Variants in PRPF6 observed in about 807,000 individuals in gnomAD.
PRPF6 encodes pre-mRNA processing factor 6.
PRPF6 carries 42 observed loss-of-function variants against 118.3 expected under a neutral mutation model. That is an observed-to-expected ratio of 0.35 (90% CI 0.28 to 0.46). PRPF6 has a LOEUF of 0.46. PRPF6 is among the 20% of genes least tolerant of loss of function. PRPF6 has a pLI of 1.00. For synonymous variants in PRPF6, 481 were observed against 485.1 expected (o/e 0.99, Z 0.11); for missense variants, 662 against 1,255.7 (o/e 0.53, Z 7.15).
intron 12 of PRPF6, among the ~76,000 whole-genome samples, chr20:64,020,669 C>T (rs1375920572): frequency 6.6e-6 from 1 of 152,100 alleles, no homozygotes; most frequent in Admixed American, 6.6e-5. Flanking sequence ...GAAAATAGAA[C>T]TGTGTTTACT....
chr20:64,028,983 C>T lies in PRPF6; in HGVS notation c.2432-394C>T. Among the ~76,000 whole-genome samples, 1 of 152,138 alleles carries T rather than the reference C, an allele frequency of 6.6e-6. No individual in the cohort carries two copies. Among genetic ancestry groups the T allele is most frequent in the East Asian group, 1.9e-4 (1 of 5,194 alleles). On this transcript the variant is annotated intron_variant, in intron 18 of 20. Coordinates refer to ENST00000266079, the MANE Select transcript of PRPF6 (RefSeq NM_012469.4). The surrounding 1 kb of genome is among the most constrained non-coding windows in gnomAD (Gnocchi z 6.5). Reference sequence around the variant, plus strand: ...CATTGCTTGAGACCAGCCTGGCCAACATGGTGAAACCCCGTCTCTACTAAA... The same window carrying T: ...CATTGCTTGAGACCAGCCTGGCCAATATGGTGAAACCCCGTCTCTACTAAA...
At chr20:63,992,307 G>T (rs2122996982) in intron 3 of PRPF6, among the ~76,000 whole-genome samples, 1 of 152,078 alleles carries the variant, frequency 6.6e-6, no homozygotes, top group South Asian at 2.1e-4. Context: ...TGTCACCCAG[G>T]CTGGAGTGCA....
At chr20:64,006,912 G>A (rs2059192602) in intron 9 of PRPF6, among the ~76,000 whole-genome samples, 1 of 152,238 alleles carries the variant, frequency 6.6e-6, no homozygotes, top group African/African-American at 2.4e-5. Context: ...CCGTCTTTCA[G>A]TTGGTCAAGT....
intron 9 of PRPF6, 105 bp downstream of exon 9, chr20:64,001,344 A>G: frequency 7.2e-7 from 1 of 1,385,088 alleles, no homozygotes; most frequent in Non-Finnish European, 1.0e-6. Flanking sequence ...ATAAGGAACC[A>G]GGGACATTTT....
chr20:64,031,730 C>CAGCTTCAA (rs1214499026), intron 19 of PRPF6, among the ~76,000 whole-genome samples, 188 bp from the exon 20 acceptor site: 1 of 150,610 alleles, frequency 6.6e-6, no homozygotes, highest in African/African-American at 2.4e-5. Context: ...CCGTGAAGGG[C>CAGCTTCAA]AGCTTCAAGT....
At chr20:63,984,736 C>G (rs973032005) in intron 2 of PRPF6, among the ~76,000 whole-genome samples, 171 bp from the exon 3 acceptor site, 1 of 152,170 alleles carries the variant, frequency 6.6e-6, no homozygotes, top group Admixed American at 6.6e-5. Flanking sequence ...CTTCCATGCC[C>G]TTGACGCTTG....
intron 12 of PRPF6, 83 bp from the exon 13 acceptor site, chr20:64,022,674 C>A: frequency 1.9e-6 from 3 of 1,575,944 alleles, no homozygotes; most frequent in South Asian, 2.2e-5. Context: ...CTTTCAGAAT[C>A]GTATGAGCCT....
At chr20:64,006,663 C>T (rs746850563) in intron 9 of PRPF6, among the ~76,000 whole-genome samples, 4 of 152,086 alleles carry the variant, frequency 2.6e-5, no homozygotes, top group East Asian at 1.9e-4. Context: ...GAGGCGGAGA[C>T]GGGACTCTTG....
At chr20:64,002,467 C>T (rs1449635192) in intron 9 of PRPF6, among the ~76,000 whole-genome samples, 2 of 151,478 alleles carry the variant, frequency 1.3e-5, no homozygotes, top group African/African-American at 2.4e-5. Flanking sequence ...TCCCGAGTAG[C>T]CGGGATTACA....
intron 11 of PRPF6, among the ~76,000 whole-genome samples, chr20:64,015,110 A>G (rs1249883250): frequency 6.6e-6 from 1 of 152,194 alleles, no homozygotes; most frequent in Non-Finnish European, 1.5e-5. Context: ...AGATGTTTTT[A>G]TATATTCTGG....
intron 12 of PRPF6, among the ~76,000 whole-genome samples, chr20:64,020,244 C>T (rs921618418): frequency 2.6e-5 from 4 of 152,172 alleles, no homozygotes; most frequent in South Asian, 4.2e-4. Flanking sequence ...GGTGAAACCT[C>T]GTCTCTACTA....
chr20:63,993,261 TGTA>T, intron 3 of PRPF6, 143 bp from the exon 4 acceptor site: 1 of 331,858 alleles, frequency 3.0e-6, no homozygotes, highest in Non-Finnish European at 5.4e-6. Flanking sequence ...TGTGTGTGTG[TGTA>T]TATGTATATA....
intron 1 of PRPF6, among the ~76,000 whole-genome samples, chr20:63,981,650 CCCCGCCCG>C (rs1221790870): frequency 6.9e-6 from 1 of 145,278 alleles, no homozygotes; most frequent in Non-Finnish European, 1.5e-5. Context: ...CACTCCCCCC[CCCCGCCCG>C]CCCGCCCGCC....
In PRPF6 at chr20:63,984,948, C is replaced by A; in HGVS notation, c.282C>A (p.Tyr94Ter). ...YAGSLFSSGP[Y>*]EKDDEEADAI... is the part of the protein sequence containing the mutation. ...GGAGCCTCTTCTCAAGTGGACCCTA[C>A]GAGAAAGATGATGAGGAAGCAGATG... The change falls in exon 3 of 21, where the codon TAC (tyrosine) becomes TAA (stop). Residue 94 changes from tyrosine to a stop codon, truncating the protein, a stop_gained. Coordinates refer to ENST00000266079, the MANE Select transcript of PRPF6 (RefSeq NM_012469.4). LOFTEE classifies it high-confidence loss of function. The A allele has an allele frequency of 6.2e-7, 1 of 1,613,506 alleles. No homozygotes were observed. Among genetic ancestry groups the A allele is most frequent in the Non-Finnish European group, 8.5e-7 (1 of 1,179,764 alleles).
In PRPF6 at chr20:64,028,453, G is replaced by A; in HGVS notation, c.2340-25G>A. 6.2e-7 allele frequency: 1 copy of A among 1,613,130 alleles called. No individual in the cohort carries two copies. The highest frequency in any genetic ancestry group is 1.7e-5 in the Admixed American group (1 of 60,024). The stretch of plus-strand genomic sequence containing the variant: ...ATGTGCTGTTGGTAGACGGCTGTGG[G>A]ACCTCCGGGGGCCTGTCTCCTCAGG... On this transcript the variant is annotated intron_variant, in intron 17 of 20. Coordinates refer to ENST00000266079, the MANE Select transcript of PRPF6 (RefSeq NM_012469.4). The surrounding 1 kb of genome is among the most constrained non-coding windows in gnomAD (Gnocchi z 6.5).
intron 3 of PRPF6, among the ~76,000 whole-genome samples, chr20:63,986,961 G>T (rs1041180075): frequency 6.6e-6 from 1 of 151,190 alleles, no homozygotes; most frequent in Admixed American, 6.6e-5. Context: ...TTGATCTCAG[G>T]AGTTTGAGAC....
intron 3 of PRPF6, 125 bp downstream of exon 3, chr20:63,985,150 G>A: frequency 1.4e-6 from 1 of 739,546 alleles, no homozygotes; most frequent in East Asian, 2.8e-5. Flanking sequence ...GATAGCTAGA[G>A]CCCAGGGGTT....
chr20:63,995,617 T>C, intron 6 of PRPF6, 135 bp downstream of exon 6: 1 of 677,186 alleles, frequency 1.5e-6, no homozygotes, highest in Non-Finnish European at 2.1e-6. Context: ...TCCTTCTCCT[T>C]TTTTTTTTTT....
intron 14 of PRPF6, among the ~76,000 whole-genome samples, chr20:64,025,301 G>A (rs548756011): frequency 1.7e-4 from 26 of 152,202 alleles, no homozygotes; most frequent in Non-Finnish European, 3.5e-4. Flanking sequence ...CCACCTGCCC[G>A]CTCTCTGCCT....
Sources: gnomAD v4.1 joint callset for allele counts (sites outside exome capture counted in the v4.1 genomes callset) on GRCh38, gnomAD v4.1.1 for gene constraint, Gnocchi (gnomAD v3.1) non-coding constraint, MANE v1.5 for transcripts, NCBI Gene and HGNC (gene_info 2026-07-23, HGNC 2026-07-21) for gene names.